DPYS: variants seen among roughly 807,000 people sequenced by gnomAD.
The protein encoded by DPYS is dihydropyrimidine amidohydrolase.
In DPYS, 39 loss-of-function variants were observed where a neutral mutation model predicts 50.3. The ratio of observed to expected loss-of-function variants is 0.78; its 90% CI spans 0.60 to 1.01. The LOEUF (loss-of-function observed/expected upper bound fraction) is 1.01. DPYS is among the 50% of genes least tolerant of loss of function. The probability of loss-of-function intolerance (pLI) is 0.00; values close to 1 mark genes in which losing one functional copy is unlikely to be tolerated. For missense variants in DPYS, 659 were observed against 680.9 expected, an observed-to-expected ratio of 0.97 and a Z score of 0.36; for synonymous variants, 245 against 250.7, an observed-to-expected ratio of 0.98 and a Z score of 0.22.
At chr8:104,440,096 T>G (rs992282060) in intron 4 of DPYS, among the ~76,000 whole-genome samples, 1 of 152,276 alleles carries the variant, frequency 6.6e-6, no homozygotes, top group African/African-American at 2.4e-5. Flanking sequence ...GATAAAAATA[T>G]AGTAAAACCT....
intron 1 of DPYS, among the ~76,000 whole-genome samples, chr8:104,466,404 TA>T (rs1366674309): frequency 2.6e-5 from 4 of 152,100 alleles, no homozygotes; most frequent in Non-Finnish European, 5.9e-5. Context: ...AATTAACCAC[TA>T]AAGGAGGAGT....
intron 6 of DPYS, 91 bp from the exon 7 acceptor site, chr8:104,424,480 C>A: frequency 7.6e-7 from 1 of 1,315,892 alleles, no homozygotes. Context: ...CTTAAACAAA[C>A]AGAACTGCAC....
At chr8:104,381,738 T>C (rs1190205199) in intron 8 of DPYS, among the ~76,000 whole-genome samples, 3 of 152,184 alleles carry the variant, frequency 2.0e-5, no homozygotes, top group African/African-American at 7.2e-5. Context: ...CACTTTCCTG[T>C]CTCTGTGCAT....
chr8:104,417,991 C>T (rs1388697332), intron 7 of DPYS, among the ~76,000 whole-genome samples: 10 of 152,326 alleles, frequency 6.6e-5, no homozygotes, highest in East Asian at 1.9e-4. Context: ...GTAACTTTAA[C>T]GTGGTCCATT....
At chr8:104,420,403 T>C (rs1422098638) in intron 7 of DPYS, 1 of 152,170 alleles carries the variant, frequency 6.6e-6, no homozygotes, top group Non-Finnish European at 1.5e-5. Context: ...ATACAGTTTC[T>C]GCAACGATCT....
intron 7 of DPYS, among the ~76,000 whole-genome samples, chr8:104,407,888 C>T (rs1812046754): frequency 6.6e-6 from 1 of 152,088 alleles, no homozygotes; most frequent in African/African-American, 2.4e-5. Context: ...AATCTTAAGA[C>T]CACAATTCCA....
At chr8:104,453,041 C>T (rs1813806861) in intron 1 of DPYS, among the ~76,000 whole-genome samples, 1 of 152,064 alleles carries the variant, frequency 6.6e-6, no homozygotes, top group Admixed American at 6.6e-5. Context: ...GCCCCCACCA[C>T]CCTCCCCCAA....
intron 7 of DPYS, among the ~76,000 whole-genome samples, chr8:104,396,683 CT>C (rs1811599234): frequency 6.6e-6 from 1 of 152,010 alleles, no homozygotes; most frequent in Admixed American, 6.6e-5. Flanking sequence ...TACAAAGTAG[CT>C]TTTTTTGTGG....
intron 4 of DPYS, among the ~76,000 whole-genome samples, chr8:104,429,986 T>A (rs780051226): frequency 5.3e-5 from 8 of 152,202 alleles, no homozygotes; most frequent in Admixed American, 2.0e-4. Flanking sequence ...GCCATTCTAA[T>A]GAAACCTTCT....
chr8:104,456,640 T>G (rs568848409), intron 1 of DPYS, among the ~76,000 whole-genome samples: 1 of 152,272 alleles, frequency 6.6e-6, no homozygotes, highest in Admixed American at 6.5e-5. Flanking sequence ...GATAGCTACA[T>G]GAAGCCTAGT....
intron 6 of DPYS, 35 bp from the exon 7 acceptor site, chr8:104,424,424 A>G (rs1342772108): frequency 1.9e-6 from 3 of 1,605,926 alleles, no homozygotes; most frequent in Non-Finnish European, 2.6e-6. Flanking sequence ...TCTAATGATC[A>G]AATACTAAAA....
chr8:104,466,508 A>C, intron 1 of DPYS, 149 bp downstream of exon 1: 1 of 938,198 alleles, frequency 1.1e-6, no homozygotes, highest in South Asian at 2.2e-5. Context: ...GTCCCCTCTG[A>C]CACCCGCCGG....
chr8:104,414,080 A>T (rs1031302723), intron 7 of DPYS, among the ~76,000 whole-genome samples: 8 of 152,234 alleles, frequency 5.3e-5, no homozygotes, highest in African/African-American at 1.9e-4. Flanking sequence ...ATTCTGCATA[A>T]TTCCAAAGGC....
intron 4 of DPYS, among the ~76,000 whole-genome samples, chr8:104,441,955 G>T (rs1813370791): frequency 6.6e-6 from 1 of 152,178 alleles, no homozygotes; most frequent in African/African-American, 2.4e-5. Flanking sequence ...AAAGCAATGT[G>T]TAGACAAGGT....
At chr8:104,448,108 G>T (rs1453124446) in intron 2 of DPYS, among the ~76,000 whole-genome samples, 3 of 152,050 alleles carry the variant, frequency 2.0e-5, no homozygotes, top group Non-Finnish European at 4.4e-5. Context: ...CTTCAGGGTT[G>T]CCAGGGGTCA....
chr8:104,384,594 T>A (rs1345313243), intron 8 of DPYS, among the ~76,000 whole-genome samples: 1 of 152,216 alleles, frequency 6.6e-6, no homozygotes, highest in Non-Finnish European at 1.5e-5. Context: ...AAGTAGGAAC[T>A]GCCCAGCCTG....
At chr8:104,380,038 T>C (rs1419250639) in intron 9 of DPYS, among the ~76,000 whole-genome samples, 195 bp from the exon 10 acceptor site, 1 of 152,174 alleles carries the variant, frequency 6.6e-6, no homozygotes, top group Non-Finnish European at 1.5e-5. Flanking sequence ...TTTAACAAAA[T>C]CATCCTAGAT....
intron 4 of DPYS, among the ~76,000 whole-genome samples, chr8:104,443,063 T>C (rs1043533565): frequency 2.0e-5 from 3 of 152,124 alleles, no homozygotes; most frequent in Non-Finnish European, 4.4e-5. Flanking sequence ...ATTTTTATAA[T>C]GAATCTTACA....
intron 7 of DPYS, among the ~76,000 whole-genome samples, chr8:104,399,327 C>A (rs201193340): frequency 0.026 from 3,194 of 123,360 alleles, 173 homozygotes; most frequent in African/African-American, 0.089. Flanking sequence ...CAAAAAAAAA[C>A]CAAGAAAACC....
Sources: allele counts gnomAD v4.1 joint callset (sites outside exome capture counted in the v4.1 genomes callset), GRCh38; gene constraint gnomAD v4.1.1; transcripts MANE v1.5; gene names NCBI Gene and HGNC (gene_info 2026-07-23, HGNC 2026-07-21).